The following PCDHB2 variants were observed in gnomAD, a reference collection of about 807,000 sequenced individuals.
PCDHB2 encodes the protein protocadherin beta-2.
For missense variants in PCDHB2, 914 were observed against 1,023.1 expected, an observed-to-expected ratio of 0.89 and a Z score of 1.45; for synonymous variants, 395 against 464.9, an observed-to-expected ratio of 0.85 and a Z score of 1.93.
rs782087892 is a variant in PCDHB2 at position 141,095,459 on chromosome 5, C to T, written c.669C>T (p.Pro223=). Residue 223 remains proline (P), a synonymous_variant, in exon 1 of 1, where the codon CCC becomes CCT. Coordinates refer to ENST00000194155, the MANE Select transcript of PCDHB2 (RefSeq NM_018936.4). ...CAGCGCTAGATGGCGGGAGTCCACC[C>T]AGGTCCGGCACGGCCCTGGTACGGA... is the stretch of plus-strand genomic sequence containing the variant. ...TLTALDGGSP[P]RSGTALVRIE... 3.1e-6 allele frequency: 5 copies of T among 1,614,134 alleles called. No individual in the cohort carries two copies. The highest frequency in any genetic ancestry group is 4.2e-6 in the Non-Finnish European group (5 of 1,180,032).
rs781808479 is a variant in PCDHB2, at chr5:141,095,031, A to G, written c.241A>G (p.Arg81Gly). ...KGKKMHLQFD[R>G]QTGDLLLNEK... is the part of the protein sequence containing the mutation. Reference sequence around the variant, plus strand: ...AAAAAAAATGCATTTGCAGTTCGATAGGCAGACCGGGGATTTGTTGTTAAA... The same window carrying G: ...AAAAAAAATGCATTTGCAGTTCGATGGGCAGACCGGGGATTTGTTGTTAAA... The change falls in exon 1 of 1, where the codon AGG (arginine) becomes GGG (glycine). Residue 81 changes from arginine (R) to glycine (G), a missense_variant. By Grantham distance (125) the Arg-to-Gly change is moderately radical (BLOSUM62 -2). Transcript: ENST00000194155. The G allele has an allele frequency of 1.2e-6, 2 of 1,613,866 alleles. No homozygotes were observed. Among genetic ancestry groups the G allele is most frequent in the African/African-American group, 2.7e-5 (2 of 74,894 alleles).
In PCDHB2 at chr5:141,095,756, G is replaced by C; in HGVS notation, c.966G>C (p.Gln322His). 1 of 1,614,164 alleles carries C rather than the reference G, an allele frequency of 6.2e-7. No homozygotes were observed. Among genetic ancestry groups the C allele is most frequent in the Non-Finnish European group, 8.5e-7 (1 of 1,180,034 alleles). Residue 322 changes from glutamine to histidine, a missense_variant, in exon 1 of 1, where the codon CAG (glutamine) becomes CAC (histidine). Coordinates refer to ENST00000194155, the MANE Select transcript of PCDHB2 (RefSeq NM_018936.4). The stretch of plus-strand genomic sequence containing the variant: ...TCCAGACATACACAGTAAATATTCA[G>C]GCGACAGATGGTGGGGGCCTATCTG... ...ESIQTYTVNI[Q>H]ATDGGGLSGT...
Position 141,094,877 on chromosome 5 carries a change from TTGCCAGC to T in PCDHB2, c.88_94del (p.Cys30LeufsTer20). ...TTTTGCTGGGCATAGCTCAGGCTAGTTGCCAGCCTAGGCACTATTCAGTGGCCGAGGA... is the reference window on the plus strand; with the variant it reads ...TTTTGCTGGGCATAGCTCAGGCTAGTCTAGGCACTATTCAGTGGCCGAGGA... On this transcript the variant is annotated frameshift_variant, in exon 1 of 1. Coordinates refer to ENST00000194155, the MANE Select transcript of PCDHB2 (RefSeq NM_018936.4). LOFTEE classifies it low-confidence loss of function (END_TRUNC). 1 of 1,613,814 alleles carries T rather than the reference TTGCCAGC, an allele frequency of 6.2e-7. No homozygotes were observed. Among genetic ancestry groups the T allele is most frequent in the Non-Finnish European group, 8.5e-7 (1 of 1,179,948 alleles).
At position 141,095,379 on chromosome 5, in the gene PCDHB2, G is replaced by C; in HGVS notation, c.589G>C (p.Val197Leu). Residue 197 changes from valine to leucine, a missense_variant, in exon 1 of 1, where the codon GTG becomes CTG. Physicochemically the swap from Val to Leu is conservative, Grantham distance 32. Coordinates refer to ENST00000194155, the MANE Select transcript of PCDHB2 (RefSeq NM_018936.4). ...SLDGIILPQL[V>L]LNRALDREEQ... is the part of the protein sequence containing the mutation. ...CGATGGCATAATATTACCACAGCTG[G>C]TGCTGAACAGAGCCCTGGATCGCGA... 6.2e-7 allele frequency: 1 copy of C among 1,614,010 alleles called. No homozygotes were observed. Among genetic ancestry groups the C allele is most frequent in the Non-Finnish European group, 8.5e-7 (1 of 1,179,976 alleles).
chr5:141,094,822 C>T lies in PCDHB2; in HGVS notation c.32C>T (p.Pro11Leu), dbSNP rs1554271070. ...GCCGGAGAGGGGAAGGAGCGCGTTC[C>T]GAAACAAAGGCAAGTCCTGATATTC... MEAGEGKERV[P>L]KQRQVLIFFV... The change falls in exon 1 of 1, where the codon CCG becomes CTG. Residue 11 changes from proline to leucine, a missense_variant. Transcript: ENST00000194155. 3 of 1,579,698 alleles carry T rather than the reference C, an allele frequency of 1.9e-6. No homozygotes were observed. The highest frequency in any genetic ancestry group is 1.4e-5 in the African/African-American group (1 of 73,432).
In PCDHB2 at chr5:141,097,019, C is replaced by T. The variant is rs373988854; in HGVS notation, c.2229C>T (p.Gly743=). The T allele has an allele frequency of 1.4e-5, 22 of 1,613,726 alleles. No individual in the cohort carries two copies. Among genetic ancestry groups the T allele is most frequent in the Admixed American group, 3.3e-5 (2 of 59,992 alleles). The change falls in exon 1 of 1, where the codon GGC becomes GGT. Residue 743 remains glycine, a synonymous_variant. Coordinates refer to ENST00000194155, the MANE Select transcript of PCDHB2 (RefSeq NM_018936.4). ...CAGGGCAGATGGTGGACGTGAGCGG[C>T]ACCGGGACCCTGTCCCAGAGCTACC... is the stretch of plus-strand genomic sequence containing the variant. The part of the protein sequence containing the change: ...PFPGQMVDVS[G]TGTLSQSYQY...
rs1751871458 is a variant in PCDHB2 at position 141,098,119 on chromosome 5, T to G, written c.*932T>G. On this transcript the variant is annotated 3_prime_UTR_variant, in exon 1 of 1. Transcript: ENST00000194155. ...CATCATAAGTGCTCTAATAAATTTT[T>G]GTCAAAAGTCAATCATTAATATTCA... 6.6e-6 allele frequency: 1 copy of G among 152,222 alleles called. No individual in the cohort carries two copies. The allele number at this position is 152,222 out of a possible 1,614,324, so 9.4% of individuals were successfully genotyped here. A position where few individuals can be genotyped will look rare whatever the true frequency, so the allele number is the denominator to read the frequency against.
In PCDHB2 at chr5:141,096,307, T is replaced by C; in HGVS notation, c.1517T>C (p.Val506Ala). Residue 506 changes from valine (V) to alanine (A), a missense_variant, in exon 1 of 1, where the codon GTC becomes GCC. By Grantham distance (64) the Val-to-Ala change is moderately conservative (BLOSUM62 0). Coordinates refer to ENST00000194155, the MANE Select transcript of PCDHB2 (RefSeq NM_018936.4). Reference sequence around the variant, plus strand: ...CCGCACCTGCCCCTCGCCTCCCTGGTCTCCATCAACGCGGACAACGGCCAC... The same window carrying C: ...CCGCACCTGCCCCTCGCCTCCCTGGCCTCCATCAACGCGGACAACGGCCAC... Reference protein sequence around the residue: ...QDPHLPLASLVSINADNGHLF... With the variant: ...QDPHLPLASLASINADNGHLF... The C allele has an allele frequency of 6.2e-7, 1 of 1,613,282 alleles. No homozygotes were observed.
Position 141,095,970 on chromosome 5 carries a change from T to C in PCDHB2, c.1180T>C (p.Phe394Leu), listed in dbSNP as rs1751805467. ...CTCCATCCAAGATGATCTTCCTTTT[T>C]TCTTGAAACCTTCTGTTGAGAACTT... is the stretch of plus-strand genomic sequence containing the variant. ...VCSIQDDLPFFLKPSVENFYT... is the reference protein window; with the variant it reads ...VCSIQDDLPFLLKPSVENFYT... The change falls in exon 1 of 1, where the codon TTC becomes CTC. Residue 394 changes from phenylalanine to leucine, a missense_variant. Coordinates refer to ENST00000194155, the MANE Select transcript of PCDHB2 (RefSeq NM_018936.4). 1.9e-6 allele frequency: 3 copies of C among 1,614,156 alleles called. No individual in the cohort carries two copies. The highest frequency in any genetic ancestry group is 2.5e-6 in the Non-Finnish European group (3 of 1,180,016).
In PCDHB2 at chr5:141,095,960, T is replaced by C. The variant is rs1413709336; in HGVS notation, c.1170T>C (p.Asp390=). Residue 390 remains aspartate, a synonymous_variant, in exon 1 of 1, where the codon GAT becomes GAC. Transcript: ENST00000194155. ...GGATGGTGTGCTCCATCCAAGATGA[T>C]CTTCCTTTTTTCTTGAAACCTTCTG... ...NGRMVCSIQD[D]LPFFLKPSVE... 1 of 1,614,084 alleles carries C rather than the reference T, an allele frequency of 6.2e-7. No homozygotes were observed. The highest frequency in any genetic ancestry group is 8.5e-7 in the Non-Finnish European group (1 of 1,180,020).
Position 141,096,597 on chromosome 5 carries a change from T to A in PCDHB2, c.1807T>A (p.Trp603Arg). ...GGACGGCGACTCGGGCCAGAACGCC[T>A]GGCTGTCGTACCAGCTGCTCAAGGC... ...AVDGDSGQNA[W>R]LSYQLLKATE... is the part of the protein sequence containing the mutation. Residue 603 changes from tryptophan to arginine, a missense_variant, in exon 1 of 1, where the codon TGG (tryptophan) becomes AGG (arginine). By Grantham distance (101) the Trp-to-Arg change is moderately radical (BLOSUM62 -3). Coordinates refer to ENST00000194155, the MANE Select transcript of PCDHB2 (RefSeq NM_018936.4). The A allele has an allele frequency of 6.2e-7, 1 of 1,606,622 alleles. No individual in the cohort carries two copies. The highest frequency in any genetic ancestry group is 8.5e-7 in the Non-Finnish European group (1 of 1,179,032).
In PCDHB2 at chr5:141,094,742, GACA is replaced by G. The variant is rs781938437; in HGVS notation, c.-46_-44del. 5.6e-6 allele frequency: 8 copies of G among 1,421,960 alleles called. No individual in the cohort carries two copies. The highest frequency in any genetic ancestry group is 9.5e-7 in the Non-Finnish European group (1 of 1,047,330). The allele number at this position is 1,421,960 out of a possible 1,614,324, so 88.1% of individuals were successfully genotyped here. ...CGAGATACGGGGAGATAGAGTTAGC[GACA>G]ACGTGAGCCAGAGCTGGAGCACGTT... On this transcript the variant is annotated 5_prime_UTR_variant, in exon 1 of 1. Transcript: ENST00000194155.
Position 141,096,096 on chromosome 5 carries a change from G to A in PCDHB2, c.1306G>A (p.Glu436Lys), listed in dbSNP as rs781908951. 1.9e-6 allele frequency: 3 copies of A among 1,613,968 alleles called. No individual in the cohort carries two copies. The highest frequency in any genetic ancestry group is 1.3e-5 in the African/African-American group (1 of 74,990). Residue 436 changes from glutamate to lysine, a missense_variant, in exon 1 of 1, where the codon GAG (glutamate) becomes AAG (lysine). By Grantham distance (56) the Glu-to-Lys change is moderately conservative. Coordinates refer to ENST00000194155, the MANE Select transcript of PCDHB2 (RefSeq NM_018936.4). ...TDFGTPRLKTEHNITVLVSDV... is the reference protein window; with the variant it reads ...TDFGTPRLKTKHNITVLVSDV... The stretch of plus-strand genomic sequence containing the variant: ...CTTCGGGACACCCAGGCTGAAAACC[G>A]AGCACAACATAACCGTGCTGGTCTC...
Position 141,095,724 on chromosome 5 carries a change from G to C in PCDHB2, c.934G>C (p.Glu312Gln). The change falls in exon 1 of 1, where the codon GAA becomes CAA. Residue 312 changes from glutamate to glutamine, a missense_variant. Coordinates refer to ENST00000194155, the MANE Select transcript of PCDHB2 (RefSeq NM_018936.4). ...ELLLRQKLDF[E>Q]SIQTYTVNIQ... ...GCTTTTAAGACAGAAACTGGATTTC[G>C]AATCCATCCAGACATACACAGTAAA... The C allele has an allele frequency of 1.2e-6, 2 of 1,614,070 alleles. No homozygotes were observed. Among genetic ancestry groups the C allele is most frequent in the Non-Finnish European group, 1.7e-6 (2 of 1,179,958 alleles).
At position 141,096,330 on chromosome 5, in the gene PCDHB2, C is replaced by A. The variant is rs781944723; in HGVS notation, c.1540C>A (p.His514Asn). The A allele has an allele frequency of 6.2e-7, 1 of 1,613,372 alleles. No individual in the cohort carries two copies. Reference protein sequence around the residue: ...SLVSINADNGHLFALQSLDYE... With the variant: ...SLVSINADNGNLFALQSLDYE... ...GGTCTCCATCAACGCGGACAACGGC[C>A]ACCTGTTCGCTCTCCAGTCGCTGGA... The change falls in exon 1 of 1, where the codon CAC (histidine) becomes AAC (asparagine). Residue 514 changes from histidine to asparagine, a missense_variant. His to Asn is a moderately conservative substitution (Grantham distance 68). Transcript: ENST00000194155.
In PCDHB2 at chr5:141,095,088, C is replaced by T; in HGVS notation, c.298C>T (p.Pro100Ser). The change falls in exon 1 of 1, where the codon CCC becomes TCC. Residue 100 changes from proline to serine, a missense_variant. Pro to Ser is a moderately conservative substitution (Grantham distance 74, BLOSUM62 -1). Transcript: ENST00000194155. ...ATTGGACCGGGAGGAGCTGTGCGGC[C>T]CCACAGAGCCCTGTGTCCTACCTTT... ...EKLDREELCG[P>S]TEPCVLPFQV... 1.2e-6 allele frequency: 2 copies of T among 1,614,102 alleles called. No homozygotes were observed. Among genetic ancestry groups the T allele is most frequent in the South Asian group, 2.2e-5 (2 of 91,070 alleles).
chr5:141,095,483 G>A lies in PCDHB2; in HGVS notation c.693G>A (p.Arg231=), dbSNP rs1554271262. Residue 231 remains arginine (R), a synonymous_variant, in exon 1 of 1, where the codon CGG becomes CGA. Coordinates refer to ENST00000194155, the MANE Select transcript of PCDHB2 (RefSeq NM_018936.4). ...CCAGGTCCGGCACGGCCCTGGTACG[G>A]ATTGAAGTTGTGGACATCAATGACA... ...SPPRSGTALV[R]IEVVDINDNV... 1.9e-6 allele frequency: 3 copies of A among 1,614,030 alleles called. No individual in the cohort carries two copies. The highest frequency in any genetic ancestry group is 1.3e-5 in the African/African-American group (1 of 74,932).
Position 141,096,501 on chromosome 5 carries a change from T to C in PCDHB2, c.1711T>C (p.Ser571Pro), listed in dbSNP as rs781886918. Residue 571 changes from serine (S) to proline (P), a missense_variant, in exon 1 of 1, where the codon TCC (serine) becomes CCC (proline). Ser to Pro is a moderately conservative substitution (Grantham distance 74, BLOSUM62 -1). Transcript: ENST00000194155. ...PFVLYPLQNG[S>P]APCTELVPRA... ...CGTGCTGTACCCGCTGCAGAACGGC[T>C]CCGCGCCCTGCACCGAGCTGGTGCC... 8.7e-6 allele frequency: 14 copies of C among 1,608,664 alleles called. No homozygotes were observed. Among genetic ancestry groups the C allele is most frequent in the Non-Finnish European group, 1.1e-5 (13 of 1,178,324 alleles).
rs782324089 is a variant in PCDHB2, at chr5:141,096,750, C to T, written c.1960C>T (p.Arg654Cys). Reference sequence around the variant, plus strand: ...GGTCAAGGACAATGGCGAGCCTCCGCGCTCGGCCACCGCCACGCTGCACGT... The same window carrying T: ...GGTCAAGGACAATGGCGAGCCTCCGTGCTCGGCCACCGCCACGCTGCACGT... ...VLVKDNGEPP[R>C]SATATLHVLL... The change falls in exon 1 of 1, where the codon CGC becomes TGC. Residue 654 changes from arginine (R) to cysteine (C), a missense_variant. Arg to Cys is a radical substitution (Grantham distance 180). Transcript: ENST00000194155. 6.1e-5 allele frequency: 99 copies of T among 1,609,846 alleles called. No homozygotes were observed. The highest frequency in any genetic ancestry group is 7.6e-5 in the Non-Finnish European group (90 of 1,179,652).
Sources: allele counts gnomAD v4.1 joint callset, GRCh38; gene constraint gnomAD v4.1.1; transcripts MANE v1.5; gene names NCBI Gene and HGNC (gene_info 2026-07-23, HGNC 2026-07-21).